PCDH15: variants seen among roughly 807,000 people sequenced by gnomAD.
PCDH15 encodes the protein protocadherin-15.
PCDH15 carries 129 observed loss-of-function variants against 178.5 expected under a neutral mutation model. That is an observed-to-expected ratio of 0.72 (90% CI 0.63 to 0.84). PCDH15 has a LOEUF of 0.84. PCDH15 is among the 40% of genes least tolerant of loss of function. The pLI is 0.00. For synonymous variants in PCDH15, 800 were observed against 732.0 expected (o/e 1.09, Z -1.50); for missense variants, 2,230 against 2,099.9 (o/e 1.06, Z -1.21).
chr10:55,374,900 A>G (rs189302518), intron 2 of PCDH15, among the ~76,000 whole-genome samples: 353 of 152,080 alleles, frequency 2.3e-3, no homozygotes, highest in African/African-American at 7.7e-3. Context: ...ACAATATAAA[A>G]ATAGAGTAGA....
At chr10:54,486,583 TTCC>T (rs1427878147) in intron 3 of PCDH15, among the ~76,000 whole-genome samples, 3 of 151,840 alleles carry the variant, frequency 2.0e-5, no homozygotes, top group Admixed American at 1.3e-4. Flanking sequence ...CCTTCCTTCC[TTCC>T]TTTCTTTTCT....
chr10:55,260,656 G>C (rs764159569), intron 1 of PCDH15, among the ~76,000 whole-genome samples: 23 of 152,088 alleles, frequency 1.5e-4, no homozygotes, highest in Admixed American at 1.5e-3. Context: ...AGCCATTTGG[G>C]AGGCAAACCT....
chr10:55,194,475 C>G (rs1840028790), intron 1 of PCDH15, among the ~76,000 whole-genome samples: 1 of 152,038 alleles, frequency 6.6e-6, no homozygotes, highest in Non-Finnish European at 1.5e-5. Flanking sequence ...ATAAAACTTT[C>G]CTTAAATTGC....
chr10:54,575,490 G>A (rs2090372793), intron 2 of PCDH15, among the ~76,000 whole-genome samples: 1 of 152,050 alleles, frequency 6.6e-6, no homozygotes, highest in African/African-American at 2.4e-5. Flanking sequence ...CAAAGAAATT[G>A]TATTGTACTC....
At chr10:55,023,989 C>T (rs1214604210) in intron 2 of PCDH15, among the ~76,000 whole-genome samples, 1 of 148,142 alleles carries the variant, frequency 6.8e-6, no homozygotes, top group Non-Finnish European at 1.5e-5. Flanking sequence ...TGATATATAT[C>T]TGTCTCTCAT....
intron 26 of PCDH15, among the ~76,000 whole-genome samples, chr10:53,874,638 G>T (rs1044463413): frequency 3.9e-5 from 6 of 152,014 alleles, no homozygotes; most frequent in Non-Finnish European, 7.4e-5. Context: ...CCTCCTGCAA[G>T]CCATGCCTAA....
intron 21 of PCDH15, among the ~76,000 whole-genome samples, chr10:53,971,598 T>C (rs940872754): frequency 1.3e-5 from 2 of 152,152 alleles, no homozygotes; most frequent in African/African-American, 4.8e-5. Flanking sequence ...AGTCTCAGGA[T>C]ACAAAATAAA....
chr10:54,342,499 G>A (rs1043425602), intron 6 of PCDH15, among the ~76,000 whole-genome samples: 8 of 152,096 alleles, frequency 5.3e-5, no homozygotes, highest in Non-Finnish European at 4.4e-5. Flanking sequence ...AGCATGTCCA[G>A]GCAGATATCT....
intron 3 of PCDH15, among the ~76,000 whole-genome samples, chr10:54,826,298 T>C (rs1331190741): frequency 2.0e-5 from 3 of 152,022 alleles, no homozygotes; most frequent in Admixed American, 1.3e-4. Context: ...TATATTGCTT[T>C]GTGGAAATTC....
chr10:54,580,358 A>G (rs1420876978), intron 2 of PCDH15, among the ~76,000 whole-genome samples: 2 of 152,106 alleles, frequency 1.3e-5, no homozygotes, highest in East Asian at 3.9e-4. Flanking sequence ...GAACTAAAAA[A>G]TCTAGAGGAA....
chr10:54,975,460 G>A (rs915890014), intron 2 of PCDH15, among the ~76,000 whole-genome samples: 4 of 152,076 alleles, frequency 2.6e-5, no homozygotes, highest in African/African-American at 4.8e-5. Flanking sequence ...TTGCGGAACC[G>A]TAGATGTGTG....
intron 28 of PCDH15, among the ~76,000 whole-genome samples, chr10:53,841,632 T>C (rs1379237983): frequency 1.3e-5 from 2 of 152,196 alleles, no homozygotes; most frequent in East Asian, 3.8e-4. Flanking sequence ...TGTTTTTAAA[T>C]GTTTGTAACC....
intron 2 of PCDH15, among the ~76,000 whole-genome samples, chr10:54,557,877 A>C (rs2087512761): frequency 6.6e-6 from 1 of 152,074 alleles, no homozygotes; most frequent in African/African-American, 2.4e-5. Flanking sequence ...TATTGCTTTA[A>C]TTTAGGCATT....
Position 54,527,931 on chromosome 10 carries a change from G to A in PCDH15, c.92-54C>T, listed in dbSNP as rs926153042. The A allele has an allele frequency of 4.3e-6, 6 of 1,386,454 alleles. No homozygotes were observed. The African/African-American group carries it at 8.6e-5, about 20-fold the overall frequency. 85.9% of individuals were successfully genotyped at this position (1,386,454 alleles called of 1,614,324 possible). On this transcript the variant is annotated intron_variant, in intron 2 of 37. Coordinates refer to ENST00000644397, the MANE Select transcript of PCDH15 (RefSeq NM_001384140.1). ...AATTGACTGCAGGGGCACACACAAT[G>A]AGAAAAAAATTCATTGAGATGTATA...
chr10:54,093,980 C>T (rs2094648518), intron 15 of PCDH15, among the ~76,000 whole-genome samples: 1 of 151,966 alleles, frequency 6.6e-6, no homozygotes. Flanking sequence ...TATCCGAGTC[C>T]CTTCTTCAAA....
intron 32 of PCDH15, chr10:53,822,084 C>T: frequency 6.2e-7 from 1 of 1,613,968 alleles, no homozygotes; most frequent in Non-Finnish European, 8.5e-7. Context: ...TCTGAGGATG[C>T]CTTTTGGTTC....
intron 17 of PCDH15, among the ~76,000 whole-genome samples, chr10:54,072,622 G>C (rs761414002): frequency 8.5e-5 from 13 of 152,174 alleles, no homozygotes; most frequent in Non-Finnish European, 1.6e-4. Flanking sequence ...CTTAAGTGAA[G>C]AGGCACTGGA....
At chr10:55,589,342 G>A (rs749415661) in intron 2 of PCDH15, among the ~76,000 whole-genome samples, 41 of 152,164 alleles carry the variant, frequency 2.7e-4, no homozygotes, top group Middle Eastern at 3.4e-3. Flanking sequence ...TTTTTCTCAG[G>A]TTTGTCAAAG....
rs1236301820 is a variant in PCDH15, at chr10:53,803,192, T to A, written c.*3387A>T. ...ATCCTTCAGCCTTATCGCTGTGTAATTTGCAGGCACCAATAGGCATCTGCC... is the reference window on the plus strand; with the variant it reads ...ATCCTTCAGCCTTATCGCTGTGTAAATTGCAGGCACCAATAGGCATCTGCC... On this transcript the variant is annotated 3_prime_UTR_variant, in exon 38 of 38. Transcript: ENST00000644397. 1 of 151,948 alleles carries A rather than the reference T, an allele frequency of 6.6e-6. No individual in the cohort carries two copies. Among genetic ancestry groups the A allele is most frequent in the East Asian group, 1.9e-4 (1 of 5,186 alleles). The allele number at this position is 151,948 out of a possible 1,614,324, so 9.4% of individuals were successfully genotyped here.
Sources: gnomAD v4.1 joint callset for allele counts (sites outside exome capture counted in the v4.1 genomes callset) on GRCh38, gnomAD v4.1.1 for gene constraint, MANE v1.5 for transcripts, NCBI Gene and HGNC (gene_info 2026-07-23, HGNC 2026-07-21) for gene names.